The following DPP10 variants were observed in gnomAD, a reference collection of about 807,000 sequenced individuals.
DPP10 encodes the protein inactive dipeptidyl peptidase 10.
A neutral mutation model predicts 120.9 loss-of-function variants in DPP10; 33 were observed. The ratio of observed to expected loss-of-function variants is 0.27; its 90% CI spans 0.21 to 0.37. The LOEUF is 0.37. DPP10 is among the 10% of genes least tolerant of loss of function. The pLI is 1.00. For missense variants in DPP10, 816 were observed against 942.8 expected, an observed-to-expected ratio of 0.87 and a Z score of 1.76; for synonymous variants, 337 against 326.1, an observed-to-expected ratio of 1.03 and a Z score of -0.36.
intron 1 of DPP10, among the ~76,000 whole-genome samples, chr2:114,961,291 T>C (rs1698609882): frequency 6.6e-6 from 1 of 152,042 alleles, no homozygotes; most frequent in Non-Finnish European, 1.5e-5. Flanking sequence ...CGACCTCAGG[T>C]GATCTGCCCA....
At chr2:114,871,323 A>T (rs185678635) in intron 1 of DPP10, among the ~76,000 whole-genome samples, 2 of 152,304 alleles carry the variant, frequency 1.3e-5, no homozygotes, top group Admixed American at 1.3e-4. Context: ...TTTTTTAAAA[A>T]ATTTGAATAC....
intron 3 of DPP10, among the ~76,000 whole-genome samples, chr2:115,446,497 A>C (rs1424716476): frequency 2.6e-5 from 4 of 152,208 alleles, no homozygotes; most frequent in Non-Finnish European, 5.9e-5. Context: ...TTTTTAATAT[A>C]AACCTGAGAG....
chr2:114,628,645 C>A (rs1488858073), intron 1 of DPP10, among the ~76,000 whole-genome samples: 3 of 152,064 alleles, frequency 2.0e-5, no homozygotes, highest in Admixed American at 6.6e-5. Context: ...AACTCTCCAA[C>A]CCAACTGAAG....
intron 1 of DPP10, among the ~76,000 whole-genome samples, chr2:114,907,787 G>C (rs1013302775): frequency 6.6e-6 from 1 of 152,154 alleles, no homozygotes; most frequent in Admixed American, 6.5e-5. Flanking sequence ...TCGGTGTTCA[G>C]TACGTATCTG....
intron 1 of DPP10, among the ~76,000 whole-genome samples, chr2:114,851,627 T>A (rs571010724): frequency 1.3e-5 from 2 of 152,348 alleles, no homozygotes; most frequent in East Asian, 1.9e-4. Context: ...AGCATTCTAG[T>A]ATAAATTTCT....
intron 3 of DPP10, among the ~76,000 whole-genome samples, chr2:115,463,763 C>A (rs1037996300): frequency 1.3e-5 from 2 of 152,154 alleles, no homozygotes; most frequent in East Asian, 3.9e-4. Context: ...GTCTCTCAAC[C>A]AGTACCTCTC....
rs543626550 is a variant in DPP10 at position 115,767,092 on chromosome 2, G to A, written c.1114-1205G>A. On this transcript the variant is annotated intron_variant, in intron 12 of 25. Transcript: ENST00000410059. Reference sequence around the variant, plus strand: ...TGGATGGTCTGACTTTCCTGATCTCGCTTTATATAGGGTAATAAGGAAACA... The same window carrying A: ...TGGATGGTCTGACTTTCCTGATCTCACTTTATATAGGGTAATAAGGAAACA... 9.2e-5 allele frequency among the ~76,000 whole-genome samples: 14 copies of A among 152,220 alleles called. No homozygotes were observed. The South Asian group carries it at 2.1e-3, about 23-fold the overall frequency.
At chr2:114,840,386 G>T (rs1294546162) in intron 1 of DPP10, among the ~76,000 whole-genome samples, 1 of 151,976 alleles carries the variant, frequency 6.6e-6, no homozygotes, top group African/African-American at 2.4e-5. Context: ...CTGTTCTCTT[G>T]GATAATTTAT....
At chr2:115,187,727 T>A (rs1395134253) in intron 1 of DPP10, among the ~76,000 whole-genome samples, 2 of 152,034 alleles carry the variant, frequency 1.3e-5, no homozygotes, top group African/African-American at 4.8e-5. Context: ...GTAGGCCTGG[T>A]GTGGTGGCTC....
chr2:114,950,742 T>C (rs1697726108), intron 1 of DPP10, among the ~76,000 whole-genome samples: 1 of 152,138 alleles, frequency 6.6e-6, no homozygotes, highest in South Asian at 2.1e-4. Flanking sequence ...GCATGAATGA[T>C]TTTGTCAAAT....
At chr2:114,605,736 G>C (rs1163450463) in intron 1 of DPP10, among the ~76,000 whole-genome samples, 1 of 152,086 alleles carries the variant, frequency 6.6e-6, no homozygotes, top group Non-Finnish European at 1.5e-5. Flanking sequence ...AAAAGTTCAT[G>C]AGTGAGGAGA....
chr2:114,619,677 A>T (rs1179635236), intron 1 of DPP10, among the ~76,000 whole-genome samples: 3 of 152,018 alleles, frequency 2.0e-5, no homozygotes, highest in African/African-American at 7.2e-5. Flanking sequence ...ACTCTACCAC[A>T]TCAGGTCTAT....
At chr2:114,939,039 A>G (rs931204315) in intron 1 of DPP10, among the ~76,000 whole-genome samples, 4 of 152,158 alleles carry the variant, frequency 2.6e-5, no homozygotes, top group African/African-American at 9.6e-5. Flanking sequence ...ATACAGAAAT[A>G]CATATGTGTG....
chr2:115,597,889 TG>T (rs1461899544), intron 5 of DPP10, among the ~76,000 whole-genome samples: 1 of 152,052 alleles, frequency 6.6e-6, no homozygotes, highest in Non-Finnish European at 1.5e-5. Flanking sequence ...AAACTATGAT[TG>T]TAAAGTTGTC....
chr2:114,822,796 C>CG (rs1247198533), intron 1 of DPP10, among the ~76,000 whole-genome samples: 1 of 152,100 alleles, frequency 6.6e-6, no homozygotes, highest in African/African-American at 2.4e-5. Context: ...CTCTAGGACA[C>CG]GGGCAAAATG....
chr2:115,270,682 A>G (rs1395488133), intron 1 of DPP10, among the ~76,000 whole-genome samples: 3 of 152,210 alleles, frequency 2.0e-5, no homozygotes, highest in Non-Finnish European at 4.4e-5. Context: ...TGTCAGTCCT[A>G]AAGTAGATGC....
intron 1 of DPP10, among the ~76,000 whole-genome samples, chr2:114,596,241 T>A (rs866610305): frequency 6.6e-6 from 1 of 152,028 alleles, no homozygotes; most frequent in Admixed American, 6.6e-5. Flanking sequence ...TTACATGAAT[T>A]ATTTATTTTT....
intron 5 of DPP10, among the ~76,000 whole-genome samples, chr2:115,602,226 A>T (rs932729053): frequency 6.6e-6 from 1 of 152,192 alleles, no homozygotes; most frequent in African/African-American, 2.4e-5. Context: ...ATGTGTTTCC[A>T]GAGATCAAAG....
intron 1 of DPP10, among the ~76,000 whole-genome samples, chr2:115,275,899 C>A (rs1032601703): frequency 1.3e-5 from 2 of 151,940 alleles, no homozygotes; most frequent in African/African-American, 4.8e-5. Flanking sequence ...GACGGGGTTT[C>A]ACCGTGTTAG....
Sources: allele counts gnomAD v4.1 joint callset (sites outside exome capture counted in the v4.1 genomes callset), GRCh38; gene constraint gnomAD v4.1.1; transcripts MANE v1.5; gene names NCBI Gene and HGNC (gene_info 2026-07-23, HGNC 2026-07-21).